The following GRIP1 variants were observed in gnomAD, a reference collection of about 807,000 sequenced individuals.
GRIP1 encodes the protein glutamate receptor interacting protein 1, also known as glutamate receptor-interacting protein 1.
A neutral mutation model predicts 129.9 loss-of-function variants in GRIP1; 45 were observed. That is an observed-to-expected ratio of 0.35 (90% CI 0.27 to 0.44). The LOEUF is 0.44. Among genes scored for constraint, GRIP1 ranks in the 20% least tolerant of loss-of-function variants. GRIP1 has a pLI of 1.00. For synonymous variants in GRIP1, 530 were observed against 520.8 expected, an observed-to-expected ratio of 1.02 and a Z score of -0.24; for missense variants, 1,196 against 1,396.8, an observed-to-expected ratio of 0.86 and a Z score of 2.29.
intron 1 of GRIP1, among the ~76,000 whole-genome samples, chr12:66,614,158 T>C (rs528332116): frequency 6.6e-6 from 1 of 152,008 alleles, no homozygotes; most frequent in Non-Finnish European, 1.5e-5. Flanking sequence ...CCCCTTCTTT[T>C]ATTTATGCCC....
chr12:67,059,624 C>T (rs183083834), intron 1 of GRIP1, among the ~76,000 whole-genome samples: 193 of 152,246 alleles, frequency 1.3e-3, no homozygotes, highest in African/African-American at 4.4e-3. Flanking sequence ...TAATTTTTTC[C>T]TTTTCAGTGG....
intron 1 of GRIP1, among the ~76,000 whole-genome samples, chr12:66,941,758 A>G (rs906559520): frequency 2.7e-4 from 41 of 152,336 alleles, no homozygotes; most frequent in African/African-American, 9.6e-4. Context: ...AAAAGGATGT[A>G]CAATTAAATG....
chr12:66,993,190 G>C (rs899061518), intron 1 of GRIP1, among the ~76,000 whole-genome samples: 1 of 151,380 alleles, frequency 6.6e-6, no homozygotes, highest in Non-Finnish European at 1.5e-5. Context: ...AAAACTATGA[G>C]ATATAGCAAA....
chr12:66,895,714 C>T (rs1274034692), intron 1 of GRIP1, among the ~76,000 whole-genome samples: 1 of 152,208 alleles, frequency 6.6e-6, no homozygotes, highest in Non-Finnish European at 1.5e-5. Context: ...CCCACCACTA[C>T]CTCCTGCAGT....
At chr12:66,875,726 CT>C (rs2137170406) in intron 1 of GRIP1, among the ~76,000 whole-genome samples, 1 of 152,160 alleles carries the variant, frequency 6.6e-6, no homozygotes, top group African/African-American at 2.4e-5. Flanking sequence ...TATTGTGGTG[CT>C]TTAACTGGTT....
At chr12:67,011,814 C>G (rs551924362) in intron 1 of GRIP1, among the ~76,000 whole-genome samples, 1 of 152,274 alleles carries the variant, frequency 6.6e-6, no homozygotes, top group South Asian at 2.1e-4. Flanking sequence ...CAACATTTTT[C>G]TTTAAAGGGC....
rs78582243 is a variant in GRIP1 at position 66,770,318 on chromosome 12, G to C, written c.-420+33735C>G. Among the ~76,000 whole-genome samples the C allele has an allele frequency of 1.4e-3, 214 of 152,258 alleles. 2 individuals carry two copies. In the East Asian group the frequency reaches 0.037, roughly 26 times the overall value. Reference sequence around the variant, plus strand: ...CAAATTCAAACTAAGTTATTGTTCAGGGAACCTAAAATTCAAGAGTGCATG... The same window carrying C: ...CAAATTCAAACTAAGTTATTGTTCACGGAACCTAAAATTCAAGAGTGCATG... On this transcript the variant is annotated intron_variant, in intron 1 of 4. Coordinates refer to the GRIP1 transcript ENST00000538373.
Position 66,760,566 on chromosome 12 carries a change from A to G in GRIP1, c.-420+43487T>C, listed in dbSNP as rs528451220. Among the ~76,000 whole-genome samples, 258 of 152,292 alleles carry G rather than the reference A, an allele frequency of 1.7e-3. 2 individuals carry two copies. Among genetic ancestry groups the G allele is most frequent in the African/African-American group, 5.5e-3 (229 of 41,574 alleles). Reference sequence around the variant, plus strand: ...ATGAGACTTATTCACTGTCATGAGAACAGCACAAGAAAATACCAGCCCCCA... The same window carrying G: ...ATGAGACTTATTCACTGTCATGAGAGCAGCACAAGAAAATACCAGCCCCCA... On this transcript the variant is annotated intron_variant, in intron 1 of 4. Coordinates refer to the GRIP1 transcript ENST00000538373.
intron 2 of GRIP1, among the ~76,000 whole-genome samples, chr12:66,581,494 T>G (rs2063377248): frequency 7.0e-6 from 1 of 143,510 alleles, no homozygotes; most frequent in Non-Finnish European, 1.5e-5. Flanking sequence ...TCAACAAAAT[T>G]GATAGACCAC....
At chr12:66,755,372 A>G (rs1345944620) in intron 1 of GRIP1, among the ~76,000 whole-genome samples, 1 of 152,208 alleles carries the variant, frequency 6.6e-6, no homozygotes, top group African/African-American at 2.4e-5. Context: ...TTTTACATTC[A>G]TGCTCTACAT....
chr12:66,392,233 G>C, intron 19 of GRIP1, 75 bp downstream of exon 19: 1 of 879,374 alleles, frequency 1.1e-6, no homozygotes, highest in South Asian at 1.3e-5. Context: ...TCTCCTCATG[G>C]AGCAGAGGAT....
intron 1 of GRIP1, among the ~76,000 whole-genome samples, chr12:67,058,724 C>T (rs1420018795): frequency 6.6e-6 from 1 of 152,228 alleles, no homozygotes; most frequent in Non-Finnish European, 1.5e-5. Context: ...TTAACCATTT[C>T]TATTTCTTTC....
intron 1 of GRIP1, among the ~76,000 whole-genome samples, chr12:66,773,308 G>A (rs577937210): frequency 1.0e-3 from 156 of 152,326 alleles, no homozygotes; most frequent in Non-Finnish European, 1.7e-3. Flanking sequence ...CTGTGCATGT[G>A]TCTTTATAGT....
intron 1 of GRIP1, among the ~76,000 whole-genome samples, chr12:66,664,067 AT>A (rs2033662170): frequency 6.6e-6 from 1 of 152,140 alleles, no homozygotes; most frequent in African/African-American, 2.4e-5. Flanking sequence ...GGTCTTTAAT[AT>A]GCTAATATGG....
chr12:66,645,377 G>A (rs2032280110), intron 1 of GRIP1, among the ~76,000 whole-genome samples: 1 of 152,148 alleles, frequency 6.6e-6, no homozygotes, highest in South Asian at 2.1e-4. Flanking sequence ...AAAGTCTGAG[G>A]ACCTTATACA....
intron 1 of GRIP1, among the ~76,000 whole-genome samples, chr12:66,788,125 T>G (rs934399720): frequency 2.6e-5 from 4 of 152,054 alleles, no homozygotes; most frequent in African/African-American, 9.7e-5. Flanking sequence ...TCAAGACTAT[T>G]TAGAAAGCAA....
At chr12:66,393,368 G>A (rs1477454782) in intron 17 of GRIP1, among the ~76,000 whole-genome samples, 1 of 151,834 alleles carries the variant, frequency 6.6e-6, no homozygotes, top group East Asian at 1.9e-4. Flanking sequence ...TAGTAGAGAT[G>A]AGGTTTCCCC....
intron 1 of GRIP1, among the ~76,000 whole-genome samples, chr12:66,720,689 C>T (rs1592775343): frequency 2.0e-5 from 3 of 152,260 alleles, no homozygotes; most frequent in African/African-American, 7.2e-5. Flanking sequence ...CCATAAGAAG[C>T]AACTCATTAT....
At chr12:66,663,965 G>A (rs1034109241) in intron 1 of GRIP1, among the ~76,000 whole-genome samples, 21 of 152,154 alleles carry the variant, frequency 1.4e-4, no homozygotes, top group African/African-American at 3.6e-4. Flanking sequence ...CAGTGTTAGC[G>A]CTACTTGAAG....
Sources: allele counts gnomAD v4.1 joint callset (sites outside exome capture counted in the v4.1 genomes callset), GRCh38; gene constraint gnomAD v4.1.1; transcripts MANE v1.5; gene names NCBI Gene and HGNC (gene_info 2026-07-23, HGNC 2026-07-21).